The following NETO2 variants were observed in gnomAD, a reference collection of about 807,000 sequenced individuals.
NETO2 encodes the protein neuropilin and tolloid like 2.
Under a neutral mutation model 62.5 loss-of-function variants are expected in NETO2, and 28 were observed. That is an observed-to-expected ratio of 0.45 (90% CI 0.33 to 0.61). NETO2 has a LOEUF of 0.61. NETO2 is among the 20% of genes least tolerant of loss of function. The pLI, the probability that NETO2 is intolerant of heterozygous loss-of-function variation, is 0.02. For synonymous variants in NETO2, 214 were observed against 219.1 expected (o/e 0.98, Z 0.21); for missense variants, 548 against 643.2 (o/e 0.85, Z 1.60).
intron 6 of NETO2, among the ~76,000 whole-genome samples, chr16:47,117,556 C>A (rs895145510): frequency 6.6e-6 from 1 of 152,108 alleles, no homozygotes; most frequent in African/African-American, 2.4e-5. Context: ...CAATCTTTTC[C>A]CCTCTGTACT....
At chr16:47,097,569 T>TG (rs1339597471) in intron 7 of NETO2, among the ~76,000 whole-genome samples, 2 of 152,160 alleles carry the variant, frequency 1.3e-5, no homozygotes, top group African/African-American at 4.8e-5. Context: ...ACAGAGCACC[T>TG]GGGGGAAGGG....
At chr16:47,137,100 C>G (rs1287562511) in intron 1 of NETO2, among the ~76,000 whole-genome samples, 1 of 152,214 alleles carries the variant, frequency 6.6e-6, no homozygotes, top group Non-Finnish European at 1.5e-5. Flanking sequence ...GGATTACAAA[C>G]TGGCACAACT....
At chr16:47,133,291 G>T (rs1964303429) in intron 1 of NETO2, among the ~76,000 whole-genome samples, 1 of 152,016 alleles carries the variant, frequency 6.6e-6, no homozygotes, top group Non-Finnish European at 1.5e-5. Context: ...AGAACATGGA[G>T]GGCAGGGCGC....
chr16:47,126,435 A>T (rs1195107195), intron 4 of NETO2, among the ~76,000 whole-genome samples: 1 of 152,204 alleles, frequency 6.6e-6, no homozygotes, highest in Non-Finnish European at 1.5e-5. Context: ...AAGACTAGGG[A>T]GATACTGAAG....
intron 7 of NETO2, among the ~76,000 whole-genome samples, chr16:47,097,094 G>A (rs369492741): frequency 6.6e-6 from 1 of 152,208 alleles, no homozygotes; most frequent in African/African-American, 2.4e-5. Flanking sequence ...AAAACTGGCG[G>A]CCATTTGGGC....
At chr16:47,143,557 T>C (rs1964510600) in intron 1 of NETO2, 22 bp downstream of exon 1, 2 of 1,223,332 alleles carry the variant, frequency 1.6e-6, no homozygotes, top group Non-Finnish European at 2.0e-6. Context: ...GCGCCGTCCG[T>C]GGCCCCAGCC....
intron 6 of NETO2, among the ~76,000 whole-genome samples, chr16:47,121,866 C>T (rs1372809878): frequency 6.6e-6 from 1 of 152,174 alleles, no homozygotes; most frequent in Non-Finnish European, 1.5e-5. Flanking sequence ...TTTTCTCCTT[C>T]CTGGAGCTTA....
At chr16:47,113,897 C>A (rs1963854733) in intron 6 of NETO2, among the ~76,000 whole-genome samples, 1 of 152,054 alleles carries the variant, frequency 6.6e-6, no homozygotes, top group South Asian at 2.1e-4. Context: ...CTGGCCTATT[C>A]TTTTAAAAGC....
chr16:47,141,955 G>C (rs1331338704), intron 1 of NETO2, among the ~76,000 whole-genome samples: 1 of 152,148 alleles, frequency 6.6e-6, no homozygotes, highest in Non-Finnish European at 1.5e-5. Context: ...ACCCTATCCA[G>C]CTCGATTTTA....
chr16:47,090,893 A>C (rs542171932), intron 7 of NETO2, among the ~76,000 whole-genome samples: 1 of 152,354 alleles, frequency 6.6e-6, no homozygotes, highest in East Asian at 1.9e-4. Flanking sequence ...TATATCTGCA[A>C]TCTACAATGG....
intron 6 of NETO2, among the ~76,000 whole-genome samples, chr16:47,122,263 G>A (rs1964054864): frequency 1.3e-5 from 2 of 152,216 alleles, no homozygotes; most frequent in Admixed American, 6.5e-5. Flanking sequence ...AGATTGCTAC[G>A]ACCAACTCTG....
At chr16:47,133,599 C>CATAAAATAAA (rs1313518082) in intron 1 of NETO2, among the ~76,000 whole-genome samples, 3 of 122,524 alleles carry the variant, frequency 2.4e-5, no homozygotes, top group African/African-American at 3.1e-5. Context: ...CATAAAATGA[C>CATAAAATAAA]ATAACATAAA....
chr16:47,143,741 C>T lies in NETO2; in HGVS notation c.-129G>A, dbSNP rs954089445. The T allele has an allele frequency of 4.5e-4, 514 of 1,153,198 alleles. No homozygotes were observed. The highest frequency in any genetic ancestry group is 1.3e-3 in the Middle Eastern group (4 of 2,992). The allele number at this position is 1,153,198 out of a possible 1,614,324, so 71.4% of individuals were successfully genotyped here. The stretch of plus-strand genomic sequence containing the variant: ...GCCGGCCAGCAGCTGCCTCCCCGCT[C>T]CCCTGAGGAGAGCTCAGGTCCTGCG... On this transcript the variant is annotated 5_prime_UTR_variant, in exon 1 of 9. Transcript: ENST00000562435.
chr16:47,108,276 A>G (rs1330542680), intron 7 of NETO2, among the ~76,000 whole-genome samples: 1 of 152,220 alleles, frequency 6.6e-6, no homozygotes, highest in Admixed American at 6.5e-5. Context: ...TAACTGTTAC[A>G]GGCAGAAGCC....
intron 7 of NETO2, among the ~76,000 whole-genome samples, chr16:47,091,644 A>G (rs1484079213): frequency 6.6e-6 from 1 of 152,140 alleles, no homozygotes; most frequent in African/African-American, 2.4e-5. Context: ...ATTCCCTAAC[A>G]GATAAGGGTA....
intron 7 of NETO2, among the ~76,000 whole-genome samples, chr16:47,098,496 C>T (rs779764336): frequency 1.5e-4 from 23 of 152,014 alleles, no homozygotes; most frequent in Admixed American, 2.6e-4. Flanking sequence ...TTAAAAGGAA[C>T]GAACAAAGTC....
At chr16:47,095,470 T>C (rs1041611092) in intron 7 of NETO2, among the ~76,000 whole-genome samples, 5 of 152,062 alleles carry the variant, frequency 3.3e-5, no homozygotes, top group Non-Finnish European at 7.4e-5. Flanking sequence ...TTTAAAGATA[T>C]AAAAAAGTTG....
intron 6 of NETO2, among the ~76,000 whole-genome samples, chr16:47,116,433 T>C (rs1335771298): frequency 6.6e-6 from 1 of 152,202 alleles, no homozygotes; most frequent in Non-Finnish European, 1.5e-5. Flanking sequence ...GTGAATTACA[T>C]TGATTTTTCA....
At chr16:47,131,220 G>C (rs1964260179) in intron 2 of NETO2, among the ~76,000 whole-genome samples, 2 of 152,246 alleles carry the variant, frequency 1.3e-5, no homozygotes, top group East Asian at 1.9e-4. Context: ...ACTCAAATAT[G>C]GATGGGGTGG....
Sources: gnomAD v4.1 joint callset for allele counts (sites outside exome capture counted in the v4.1 genomes callset) on GRCh38, gnomAD v4.1.1 for gene constraint, MANE v1.5 for transcripts, NCBI Gene and HGNC (gene_info 2026-07-23, HGNC 2026-07-21) for gene names.